The following AQR variants were observed in gnomAD, a reference collection of about 807,000 sequenced individuals.
AQR encodes aquarius intron-binding spliceosomal factor.
AQR carries 61 observed loss-of-function variants against 180.5 expected under a neutral mutation model. The ratio of observed to expected loss-of-function variants is 0.34; its 90% CI spans 0.28 to 0.42. The LOEUF is 0.42. Ranked by LOEUF, AQR falls within the 10% of genes least tolerant of loss-of-function variation. The pLI is 1.00. For missense variants in AQR, 1,281 were observed against 1,798.3 expected, an observed-to-expected ratio of 0.71 and a Z score of 5.20; for synonymous variants, 551 against 588.8, an observed-to-expected ratio of 0.94 and a Z score of 0.93.
chr15:34,905,005 G>T lies in AQR; in HGVS notation c.1832-500C>A, dbSNP rs367783853. Among the ~76,000 whole-genome samples the T allele has an allele frequency of 7.9e-5, 11 of 139,524 alleles. 2 individuals are homozygous for T. Among genetic ancestry groups the T allele is most frequent in the East Asian group, 2.1e-4 (1 of 4,672 alleles). The allele number at this position is 139,524 out of a possible 152,430, so 91.5% of individuals were successfully genotyped here. ...ATTCCATACCTAGTATAACCAGCAT[G>T]AAAAGAAATTTCACATACACAGAAA... On this transcript the variant is annotated intron_variant, in intron 18 of 34. Coordinates refer to ENST00000156471, the MANE Select transcript of AQR (RefSeq NM_014691.3).
intron 31 of AQR, chr15:34,869,970 G>A (rs1180162100): frequency 6.6e-6 from 1 of 152,072 alleles, no homozygotes; most frequent in Non-Finnish European, 1.5e-5. Context: ...AATTGAGCTT[G>A]TGCTAGTTCC....
intron 5 of AQR, among the ~76,000 whole-genome samples, chr15:34,945,293 C>A (rs146822882): frequency 6.6e-6 from 1 of 152,092 alleles, no homozygotes; most frequent in African/African-American, 2.4e-5. Context: ...AGTTTTGTAT[C>A]CTCCAAATTA....
intron 30 of AQR, among the ~76,000 whole-genome samples, chr15:34,871,874 C>T (rs968889573): frequency 5.3e-5 from 8 of 151,530 alleles, no homozygotes; most frequent in African/African-American, 1.9e-4. Context: ...ACACACAAAG[C>T]TCTTTGGTCC....
intron 3 of AQR, 40 bp downstream of exon 3, chr15:34,960,734 C>T: frequency 2.4e-6 from 2 of 821,714 alleles, no homozygotes; most frequent in Non-Finnish European, 3.8e-6. Flanking sequence ...CAACTTGGTC[C>T]ACCCCAATCA....
chr15:34,923,394 GTTT>G (rs896320315), intron 13 of AQR, among the ~76,000 whole-genome samples: 2 of 152,056 alleles, frequency 1.3e-5, no homozygotes, highest in Non-Finnish European at 2.9e-5. Context: ...GCTGTAGCGT[GTTT>G]TTTAATTCTC....
chr15:34,908,521 G>A (rs1348310303), intron 17 of AQR, among the ~76,000 whole-genome samples: 1 of 152,062 alleles, frequency 6.6e-6, no homozygotes, highest in East Asian at 1.9e-4. Flanking sequence ...GATCAATATA[G>A]GGGCTGGTTT....
At chr15:34,930,918 GCTCCGC>G (rs1361625691) in intron 11 of AQR, among the ~76,000 whole-genome samples, 1 of 144,320 alleles carries the variant, frequency 6.9e-6, no homozygotes, top group Non-Finnish European at 1.5e-5. Context: ...CTCACTGCAA[GCTCCGC>G]CTCCCAGGTT....
rs369380990 is a variant in AQR, at chr15:34,942,090, G to A, written c.472-10C>T. 185 of 1,606,126 alleles carry A rather than the reference G, an allele frequency of 1.2e-4. 2 individuals are homozygous for A. Among genetic ancestry groups the A allele is most frequent in the Admixed American group, 1.1e-3 (63 of 59,658 alleles). On this transcript the variant is annotated splice_polypyrimidine_tract_variant and intron_variant, in intron 6 of 34. Transcript: ENST00000156471. ...GTATCAAGTCTACTTCCTGTTTAGG[G>A]CATGAAGAAAATAAGTTTATAAACA...
At chr15:34,911,873 T>C (rs557378390) in intron 16 of AQR, among the ~76,000 whole-genome samples, 1 of 150,536 alleles carries the variant, frequency 6.6e-6, no homozygotes, top group East Asian at 2.0e-4. Context: ...AAGACAAATG[T>C]TATGGAGCTT....
At chr15:34,911,231 G>T (rs1292087075) in intron 16 of AQR, among the ~76,000 whole-genome samples, 1 of 152,126 alleles carries the variant, frequency 6.6e-6, no homozygotes, top group African/African-American at 2.4e-5. Flanking sequence ...TGGTTATTGT[G>T]AATAATGCTG....
At chr15:34,866,931 A>AT (rs1892744587) in intron 32 of AQR, among the ~76,000 whole-genome samples, 1 of 152,170 alleles carries the variant, frequency 6.6e-6, no homozygotes, top group African/African-American at 2.4e-5. Flanking sequence ...TAAAGTAATA[A>AT]AATAAACTCT....
chr15:34,886,184 T>C (rs1401291550), intron 25 of AQR, among the ~76,000 whole-genome samples: 1 of 152,200 alleles, frequency 6.6e-6, no homozygotes, highest in Non-Finnish European at 1.5e-5. Flanking sequence ...AAGTTAACTG[T>C]ACTTTGTTGC....
At chr15:34,957,175 C>T (rs1275132189) in intron 3 of AQR, among the ~76,000 whole-genome samples, 16 of 151,170 alleles carry the variant, frequency 1.1e-4, no homozygotes, top group Admixed American at 1.1e-3. Context: ...TTTCTTTTTT[C>T]AGACGGAGTC....
chr15:34,952,412 T>A (rs895963809), intron 4 of AQR, among the ~76,000 whole-genome samples: 4 of 152,212 alleles, frequency 2.6e-5, no homozygotes, highest in African/African-American at 4.8e-5. Context: ...CAATCCTGGC[T>A]CTTATTTTCA....
At position 34,964,127 on chromosome 15, in the gene AQR, G is replaced by A. The variant is rs183412653; in HGVS notation, c.132+107C>T. The A allele has an allele frequency of 7.1e-4, 557 of 780,376 alleles. 2 individuals are homozygous for A. The highest frequency in any genetic ancestry group is 9.8e-4 in the Non-Finnish European group (472 of 483,216). The allele number at this position is 780,376 out of a possible 1,614,324, so 48.3% of individuals were successfully genotyped here. A position where few individuals can be genotyped will look rare whatever the true frequency, so the allele number is the denominator to read the frequency against. ...CAAAAAATTGTATTTTTTGTAGATC[G>A]TTAGGTTGTTTTTAATTTTAAAAAA... On this transcript the variant is annotated intron_variant, in intron 2 of 34. Transcript: ENST00000156471.
intron 18 of AQR, among the ~76,000 whole-genome samples, chr15:34,906,079 T>C (rs868606123): frequency 4.6e-5 from 7 of 151,928 alleles, no homozygotes; most frequent in South Asian, 4.2e-4. Flanking sequence ...ATATCTAACA[T>C]AGAAGTTCTG....
In AQR at chr15:34,910,310, T is replaced by C; in HGVS notation, c.1488A>G (p.Gln496=). Reference sequence around the variant, plus strand: ...CAAACACTACACCGCCATATTCAGATTGCCTGAAACCAAAGAAATGGATGA... The same window carrying C: ...CAAACACTACACCGCCATATTCAGACTGCCTGAAACCAAAGAAATGGATGA... The part of the protein sequence containing the change: ...EDSVSRMKPW[Q]SEYGGVVFGG... Residue 496 remains glutamine, a synonymous_variant, in exon 17 of 35, where the codon CAA becomes CAG. Transcript: ENST00000156471. 2 of 1,612,762 alleles carry C rather than the reference T, an allele frequency of 1.2e-6. No homozygotes were observed. The highest frequency in any genetic ancestry group is 2.2e-5 in the East Asian group (1 of 44,856).
At chr15:34,864,377 C>A (rs1892714134) in intron 32 of AQR, among the ~76,000 whole-genome samples, 1 of 152,118 alleles carries the variant, frequency 6.6e-6, no homozygotes, top group Non-Finnish European at 1.5e-5. Flanking sequence ...TACTCCTTTA[C>A]AGAAACCTTG....
At chr15:34,904,604 T>A (rs1394137697) in intron 18 of AQR, 99 bp from the exon 19 acceptor site, 1 of 1,190,310 alleles carries the variant, frequency 8.4e-7, no homozygotes, top group African/African-American at 1.6e-5. Context: ...AGTAAATGGT[T>A]CAGGCTTAAC....
Sources: allele counts gnomAD v4.1 joint callset (sites outside exome capture counted in the v4.1 genomes callset), GRCh38; gene constraint gnomAD v4.1.1; transcripts MANE v1.5; gene names NCBI Gene and HGNC (gene_info 2026-07-23, HGNC 2026-07-21).